The following SHCBP1L variants were observed in gnomAD, a reference collection of about 807,000 sequenced individuals.
The protein encoded by SHCBP1L is SHC binding and spindle associated 1 like.
SHCBP1L carries 67 observed loss-of-function variants against 62.5 expected under a neutral mutation model. The ratio of observed to expected loss-of-function variants is 1.07; its 90% CI spans 0.88 to 1.31. The LOEUF (loss-of-function observed/expected upper bound fraction) is 1.31. Ranked by LOEUF, SHCBP1L falls within the 40% of genes most tolerant of loss-of-function variation. The probability of loss-of-function intolerance (pLI) is 0.00; values close to 1 mark genes in which losing one functional copy is unlikely to be tolerated. For synonymous variants in SHCBP1L, 284 were observed against 289.4 expected, an observed-to-expected ratio of 0.98 and a Z score of 0.19; for missense variants, 823 against 809.8, an observed-to-expected ratio of 1.02 and a Z score of -0.20.
intron 2 of SHCBP1L, among the ~76,000 whole-genome samples, chr1:182,940,852 C>T (rs914404029): frequency 6.6e-6 from 1 of 151,904 alleles, no homozygotes; most frequent in Non-Finnish European, 1.5e-5. Flanking sequence ...GTGTGACACA[C>T]ACACATATGG....
intron 2 of SHCBP1L, among the ~76,000 whole-genome samples, chr1:182,946,792 T>C (rs1399107069): frequency 1.3e-5 from 2 of 152,234 alleles, no homozygotes; most frequent in Non-Finnish European, 2.9e-5. Flanking sequence ...ATTTTCTTTA[T>C]GGTGTTAGGA....
intron 3 of SHCBP1L, 109 bp downstream of exon 3, chr1:182,940,220 G>T: frequency 2.5e-6 from 2 of 805,374 alleles, no homozygotes; most frequent in South Asian, 1.9e-5. Flanking sequence ...CAGCAGTAGT[G>T]AGTGAAAATT....
At chr1:182,909,433 G>A (rs1056093340) in intron 6 of SHCBP1L, among the ~76,000 whole-genome samples, 3 of 152,064 alleles carry the variant, frequency 2.0e-5, no homozygotes, top group East Asian at 1.9e-4. Flanking sequence ...ACAAACTGGC[G>A]GAAACACAAG....
chr1:182,915,937 G>A (rs1650343785), intron 6 of SHCBP1L, among the ~76,000 whole-genome samples: 1 of 151,914 alleles, frequency 6.6e-6, no homozygotes, highest in Admixed American at 6.6e-5. Context: ...CTCTCGAGTA[G>A]CTGGGACCAC....
chr1:182,940,451 TG>T lies in SHCBP1L; in HGVS notation c.647del (p.Pro216GlnfsTer128). The T allele has an allele frequency of 1.2e-6, 2 of 1,613,948 alleles. No individual in the cohort carries two copies. Among genetic ancestry groups the T allele is most frequent in the Non-Finnish European group, 1.7e-6 (2 of 1,179,942 alleles). On this transcript the variant is annotated frameshift_variant, in exon 3 of 10. Transcript: ENST00000367547. LOFTEE classifies it high-confidence loss of function. ...EPFSSNIANI[P>X]RDLVDEILEE... ...CCAAAATCTCATCAACCAAATCTCTTGGAATATTTGCAATGTTGGAAGAAAA... is the reference window on the plus strand; with the variant it reads ...CCAAAATCTCATCAACCAAATCTCTTGAATATTTGCAATGTTGGAAGAAAA...
chr1:182,937,877 C>T (rs1057304234), intron 5 of SHCBP1L, among the ~76,000 whole-genome samples: 14 of 152,236 alleles, frequency 9.2e-5, no homozygotes, highest in African/African-American at 3.1e-4. Context: ...GTGATATTTG[C>T]TTTGTTTCTC....
chr1:182,950,222 C>G (rs1651700318), intron 2 of SHCBP1L, among the ~76,000 whole-genome samples: 1 of 152,160 alleles, frequency 6.6e-6, no homozygotes, highest in Non-Finnish European at 1.5e-5. Flanking sequence ...AACTAACTAT[C>G]TGGGGTAAGG....
In SHCBP1L at chr1:182,953,036, T is replaced by A. The variant is rs757921828; in HGVS notation, c.98A>T (p.Asp33Val). 1.1e-5 allele frequency: 17 copies of A among 1,544,454 alleles called. No homozygotes were observed. The highest frequency in any genetic ancestry group is 7.2e-5 in the East Asian group (3 of 41,500). The change falls in exon 1 of 10, where the codon GAC (aspartate) becomes GTC (valine). Residue 33 changes from aspartate (D) to valine (V), a missense_variant. By Grantham distance (152) the Asp-to-Val change is radical. Transcript: ENST00000367547. ...GEKSASAVSG[D>V]TAAATTLKGT... ...CTTCAGGGTGGTCGCGGCCGCCGTG[T>A]CCCCGGAGACAGCGGAGGCGGACTT...
intron 2 of SHCBP1L, among the ~76,000 whole-genome samples, chr1:182,949,342 G>T (rs1651674373): frequency 6.6e-6 from 1 of 150,876 alleles, no homozygotes; most frequent in Non-Finnish European, 1.5e-5. Context: ...AAAATCCAGA[G>T]AAGTTGTGAA....
At chr1:182,900,656 C>T (rs2101915493) in intron 9 of SHCBP1L, among the ~76,000 whole-genome samples, 1 of 152,274 alleles carries the variant, frequency 6.6e-6, no homozygotes, top group African/African-American at 2.4e-5. Context: ...TGGTCTCGAG[C>T]TCCTGACCTC....
intron 6 of SHCBP1L, among the ~76,000 whole-genome samples, chr1:182,923,440 A>C (rs1478893404): frequency 6.6e-6 from 1 of 152,176 alleles, no homozygotes; most frequent in Non-Finnish European, 1.5e-5. Flanking sequence ...CAATATTCCT[A>C]ATGAACACAG....
At chr1:182,944,092 G>C (rs1171039143) in intron 2 of SHCBP1L, among the ~76,000 whole-genome samples, 1 of 136,300 alleles carries the variant, frequency 7.3e-6, no homozygotes, top group African/African-American at 3.0e-5. Context: ...CTGCACTCCA[G>C]CCTGGGCAAC....
At chr1:182,924,182 G>T (rs1158583445) in intron 6 of SHCBP1L, among the ~76,000 whole-genome samples, 3 of 151,986 alleles carry the variant, frequency 2.0e-5, no homozygotes, top group African/African-American at 7.3e-5. Context: ...AGCTAACGAG[G>T]GAAGTGAAAA....
chr1:182,935,277 C>T (rs1651130618), intron 5 of SHCBP1L, among the ~76,000 whole-genome samples: 1 of 152,116 alleles, frequency 6.6e-6, no homozygotes, highest in African/African-American at 2.4e-5. Flanking sequence ...GAAGAACTGA[C>T]ATTTTTAAAA....
At chr1:182,932,746 C>G (rs1013898340) in intron 5 of SHCBP1L, among the ~76,000 whole-genome samples, 2 of 152,198 alleles carry the variant, frequency 1.3e-5, no homozygotes, top group African/African-American at 4.8e-5. Context: ...CTGCCCACTT[C>G]AGCCTCCCAA....
chr1:182,915,730 A>G (rs77568106), intron 6 of SHCBP1L, among the ~76,000 whole-genome samples: 1,767 of 152,276 alleles, frequency 0.012, 30 homozygotes, highest in African/African-American at 0.04. Context: ...TCTGACTACA[A>G]TGGAATTAAA....
At chr1:182,942,544 G>T (rs990290463) in intron 2 of SHCBP1L, 4 of 534,710 alleles carry the variant, frequency 7.5e-6, no homozygotes, top group African/African-American at 5.8e-5. Context: ...TTCTTAAGTT[G>T]ATTTAGCTTC....
intron 6 of SHCBP1L, among the ~76,000 whole-genome samples, chr1:182,907,348 G>A (rs962050068): frequency 1.2e-4 from 18 of 149,830 alleles, no homozygotes; most frequent in East Asian, 2.0e-4. Flanking sequence ...CAGGAGAATC[G>A]CTTGAACCCG....
intron 6 of SHCBP1L, among the ~76,000 whole-genome samples, chr1:182,914,506 G>T (rs977307054): frequency 6.6e-6 from 1 of 152,112 alleles, no homozygotes; most frequent in Non-Finnish European, 1.5e-5. Flanking sequence ...AACATAAAGG[G>T]ACGATGGAGC....
Sources: gnomAD v4.1 joint callset for allele counts (sites outside exome capture counted in the v4.1 genomes callset) on GRCh38, gnomAD v4.1.1 for gene constraint, MANE v1.5 for transcripts, NCBI Gene and HGNC (gene_info 2026-07-23, HGNC 2026-07-21) for gene names.